The following ARB2A variants were observed in gnomAD, a reference collection of about 807,000 sequenced individuals.
ARB2A encodes the protein ARB2 cotranscriptional regulator A.
chr5:93,950,758 C>T, the ARB2A span, among the ~76,000 whole-genome samples: 3 of 151,808 alleles, frequency 2.0e-5, no homozygotes, highest in South Asian at 2.1e-4. Flanking sequence ...GCCTGGCCAA[C>T]AGGGTCAAAC....
At chr5:93,796,191 C>T in the ARB2A span, among the ~76,000 whole-genome samples, 7 of 152,226 alleles carry the variant, frequency 4.6e-5, no homozygotes, top group East Asian at 1.9e-4. Flanking sequence ...AAAGACTGTG[C>T]GATATAAATT....
chr5:93,715,643 C>CTTTT, the ARB2A span, among the ~76,000 whole-genome samples: 1 of 141,728 alleles, frequency 7.1e-6, no homozygotes, highest in Non-Finnish European at 1.5e-5. Flanking sequence ...TTTCCCCCGC[C>CTTTT]TTTTTTTTTT....
chr5:93,713,274 A>G, the ARB2A span, among the ~76,000 whole-genome samples: 1 of 152,182 alleles, frequency 6.6e-6, no homozygotes, highest in Admixed American at 6.5e-5. Flanking sequence ...AATCCCCAGA[A>G]TGGGAGAAAA....
the ARB2A span, among the ~76,000 whole-genome samples, chr5:93,833,120 T>C: frequency 3.5e-4 from 53 of 152,316 alleles, no homozygotes; most frequent in Non-Finnish European, 6.2e-4. Context: ...TTGGTTCTTC[T>C]CTACTCTATT....
At chr5:94,060,412 T>C in the ARB2A span, among the ~76,000 whole-genome samples, 3 of 151,992 alleles carry the variant, frequency 2.0e-5, no homozygotes, top group Admixed American at 6.6e-5. Context: ...TTATACAAAT[T>C]AGACGAAATG....
At chr5:93,805,280 GA>G in the ARB2A span, 1 of 985,130 alleles carries the variant, frequency 1.0e-6, no homozygotes, top group Non-Finnish European at 1.2e-6. Flanking sequence ...CCATTAGCTT[GA>G]AAGCTTTTTG....
the ARB2A span, among the ~76,000 whole-genome samples, chr5:93,994,714 C>A: frequency 6.6e-6 from 1 of 151,718 alleles, no homozygotes; most frequent in Non-Finnish European, 1.5e-5. Context: ...GAAGCCTGGG[C>A]AACATGGCAA....
chr5:93,661,301 A>G, the ARB2A span, among the ~76,000 whole-genome samples: 1 of 152,196 alleles, frequency 6.6e-6, no homozygotes, highest in African/African-American at 2.4e-5. Flanking sequence ...GCAATGGGTC[A>G]TGTTAATGGT....
At chr5:93,701,613 A>G in the ARB2A span, among the ~76,000 whole-genome samples, 1 of 151,998 alleles carries the variant, frequency 6.6e-6, no homozygotes. Flanking sequence ...TCAGACTAAC[A>G]TTTCCCATGG....
At chr5:94,069,034 TTAAAAAGATAGA>T in the ARB2A span, among the ~76,000 whole-genome samples, 5 of 87,784 alleles carry the variant, frequency 5.7e-5, no homozygotes. Context: ...AAACTCTGTC[TTAAAAAGATAGA>T]TAGATAGATA....
chr5:93,686,562 C>T, the ARB2A span, among the ~76,000 whole-genome samples: 3 of 152,164 alleles, frequency 2.0e-5, no homozygotes, highest in African/African-American at 7.2e-5. Flanking sequence ...TTTATCCTTT[C>T]CTTTCTTCCT....
the ARB2A span, among the ~76,000 whole-genome samples, chr5:93,850,922 T>C: frequency 0.013 from 2,013 of 152,272 alleles, 44 homozygotes; most frequent in African/African-American, 0.046. Context: ...ATTTTTAAAA[T>C]TAAATCAGTA....
chr5:93,716,371 A>G, the ARB2A span, among the ~76,000 whole-genome samples: 3 of 152,194 alleles, frequency 2.0e-5, no homozygotes, highest in African/African-American at 7.2e-5. Flanking sequence ...TTACATCTTT[A>G]TCTTCCTGTA....
the ARB2A span, among the ~76,000 whole-genome samples, chr5:93,925,390 C>T: frequency 6.6e-6 from 1 of 152,138 alleles, no homozygotes. Flanking sequence ...GTAAACAAAA[C>T]ATGTCAGAAT....
the ARB2A span, among the ~76,000 whole-genome samples, chr5:93,857,497 C>A: frequency 6.6e-6 from 1 of 152,172 alleles, no homozygotes; most frequent in South Asian, 2.1e-4. Flanking sequence ...TGGTGGGCGC[C>A]CCTCCCCGAG....
the ARB2A span, chr5:93,866,141 A>G: frequency 8.1e-6 from 8 of 985,422 alleles, no homozygotes; most frequent in Non-Finnish European, 8.4e-6. Context: ...AATACAAGCA[A>G]TCTTCAATTG....
At chr5:94,017,453 G>T in the ARB2A span, among the ~76,000 whole-genome samples, 1 of 152,162 alleles carries the variant, frequency 6.6e-6, no homozygotes, top group Non-Finnish European at 1.5e-5. Context: ...ATAAGAATTA[G>T]AATGTATGAA....
chr5:94,044,870 G>A, the ARB2A span, among the ~76,000 whole-genome samples: 3 of 151,902 alleles, frequency 2.0e-5, no homozygotes, highest in Non-Finnish European at 4.4e-5. Flanking sequence ...GCAACATCAG[G>A]AAGTTACCCT....
the ARB2A span, among the ~76,000 whole-genome samples, chr5:93,642,610 G>C: frequency 6.6e-6 from 1 of 152,158 alleles, no homozygotes; most frequent in African/African-American, 2.4e-5. Context: ...CTGGCCTCAA[G>C]TAATCTGCCC....
Sources: allele counts gnomAD v4.1 joint callset (sites outside exome capture counted in the v4.1 genomes callset), GRCh38; gene constraint gnomAD v4.1.1; transcripts MANE v1.5; gene names NCBI Gene and HGNC (gene_info 2026-07-23, HGNC 2026-07-21).